ATP6V1D: variants seen among roughly 807,000 people sequenced by gnomAD.
ATP6V1D encodes V-type proton ATPase subunit D.
A neutral mutation model predicts 39.4 loss-of-function variants in ATP6V1D; 20 were observed. The ratio of observed to expected loss-of-function variants is 0.51; its 90% confidence interval spans 0.36 to 0.74. The LOEUF (loss-of-function observed/expected upper bound fraction) is 0.74. ATP6V1D is among the 30% of genes least tolerant of loss of function. The pLI, the probability that ATP6V1D is intolerant of heterozygous loss-of-function variation, is 0.00. For synonymous variants in ATP6V1D, 100 were observed against 100.5 expected (o/e 0.99, Z 0.03); for missense variants, 228 against 291.6 (o/e 0.78, Z 1.59).
intron 5 of ATP6V1D, 60 bp from the exon 6 acceptor site, chr14:67,345,931 C>T: frequency 9.5e-7 from 1 of 1,047,714 alleles, no homozygotes. Context: ...CTATAAAATT[C>T]CCCAAAAGGA....
rs1595635075 is a variant in ATP6V1D, at chr14:67,345,743, G to A, written c.456+25C>T. 9 of 1,517,228 alleles carry A rather than the reference G, an allele frequency of 5.9e-6. No homozygotes were observed. The East Asian group carries it at 2.0e-4, about 34-fold the overall frequency. The allele number at this position is 1,517,228 out of a possible 1,614,324, so 94.0% of individuals were successfully genotyped here. A position where few individuals can be genotyped will look rare whatever the true frequency, so the allele number is the denominator to read the frequency against. ...GACTGTTACAAATCAAACTACAGGA[G>A]TTCTCCAGGTCTTTTGCTACTTACC... On this transcript the variant is annotated intron_variant, in intron 6 of 8. Coordinates refer to ENST00000216442, the MANE Select transcript of ATP6V1D (RefSeq NM_015994.4).
intron 3 of ATP6V1D, 47 bp downstream of exon 3, chr14:67,350,564 T>A (rs147482910): frequency 5.3e-6 from 8 of 1,503,224 alleles, no homozygotes; most frequent in Non-Finnish European, 7.3e-6. Context: ...ATTATGAGAC[T>A]GAAATCACTT....
At chr14:67,340,902 C>T (rs970089005) in intron 7 of ATP6V1D, among the ~76,000 whole-genome samples, 1 of 152,264 alleles carries the variant, frequency 6.6e-6, no homozygotes, top group Non-Finnish European at 1.5e-5. Context: ...TCTCCAGCTC[C>T]TAACTGCGAG....
chr14:67,353,448 C>T (rs759244218), intron 1 of ATP6V1D, among the ~76,000 whole-genome samples: 1 of 152,104 alleles, frequency 6.6e-6, no homozygotes, highest in Non-Finnish European at 1.5e-5. Flanking sequence ...GAGTTCAAGT[C>T]CAGCATGGGT....
intron 4 of ATP6V1D, 36 bp from the exon 5 acceptor site, chr14:67,347,489 C>A: frequency 6.7e-7 from 1 of 1,488,158 alleles, no homozygotes; most frequent in Non-Finnish European, 9.1e-7. Flanking sequence ...ATTCATAAAC[C>A]TTTAAGTTCT....
intron 1 of ATP6V1D, among the ~76,000 whole-genome samples, chr14:67,355,758 T>C (rs1013344791): frequency 6.6e-6 from 1 of 151,658 alleles, no homozygotes; most frequent in Non-Finnish European, 1.5e-5. Context: ...ATCAGCACTT[T>C]GGGAGGCTAA....
Position 67,340,193 on chromosome 14 carries a change from A to C in ATP6V1D, c.602+247T>G, listed in dbSNP as rs534973381. On this transcript the variant is annotated intron_variant, in intron 8 of 8. Transcript: ENST00000216442. ...TATCTTAAAACATATATTTAAAAAAAAAATCAAACCTAAACAGTTTCTCTG... is the reference window on the plus strand; with the variant it reads ...TATCTTAAAACATATATTTAAAAAACAAATCAAACCTAAACAGTTTCTCTG... 17 of 424,740 alleles carry C rather than the reference A, an allele frequency of 4.0e-5. No homozygotes were observed. The South Asian group carries it at 6.1e-4, about 15-fold the overall frequency. 26.3% of individuals were successfully genotyped at this position (424,740 alleles called of 1,614,324 possible). A position where few individuals can be genotyped will look rare whatever the true frequency, so the allele number is the denominator to read the frequency against.
At chr14:67,348,694 G>A (rs1017601190) in intron 4 of ATP6V1D, among the ~76,000 whole-genome samples, 1 of 141,154 alleles carries the variant, frequency 7.1e-6, no homozygotes, top group Non-Finnish European at 1.5e-5. Context: ...GCTAATTTTT[G>A]TATTATTAGT....
At chr14:67,346,671 G>A (rs1170528815) in intron 5 of ATP6V1D, among the ~76,000 whole-genome samples, 1 of 152,202 alleles carries the variant, frequency 6.6e-6, no homozygotes, top group Non-Finnish European at 1.5e-5. Flanking sequence ...AAAATATGCT[G>A]TCAAACTAGG....
chr14:67,338,836 T>A, intron 8 of ATP6V1D, 74 bp from the exon 9 acceptor site: 3 of 1,401,996 alleles, frequency 2.1e-6, no homozygotes, highest in Non-Finnish European at 2.9e-6. Flanking sequence ...CTTTGAGTTT[T>A]GTAACAAGGA....
Position 67,359,725 on chromosome 14 carries a change from C to T in ATP6V1D, c.-27G>A, listed in dbSNP as rs912892655. 1 of 1,613,634 alleles carries T rather than the reference C, an allele frequency of 6.2e-7. No individual in the cohort carries two copies. Among genetic ancestry groups the T allele is most frequent in the Non-Finnish European group, 8.5e-7 (1 of 1,179,952 alleles). On this transcript the variant is annotated 5_prime_UTR_variant, in exon 1 of 9. Coordinates refer to ENST00000216442, the MANE Select transcript of ATP6V1D (RefSeq NM_015994.4). Reference sequence around the variant, plus strand: ...CTGACGATAACTTTTCGGCTCGGGTCCCCGGCCGGGCAACCGAGGCTGCAA... The same window carrying T: ...CTGACGATAACTTTTCGGCTCGGGTTCCCGGCCGGGCAACCGAGGCTGCAA...
At chr14:67,343,769 C>T (rs2085602450) in intron 6 of ATP6V1D, among the ~76,000 whole-genome samples, 1 of 152,184 alleles carries the variant, frequency 6.6e-6, no homozygotes, top group African/African-American at 2.4e-5. Context: ...GCTTGGTAAT[C>T]TGTGATGGGA....
intron 3 of ATP6V1D, among the ~76,000 whole-genome samples, chr14:67,350,150 T>G (rs1043438885): frequency 6.6e-6 from 1 of 152,216 alleles, no homozygotes; most frequent in Non-Finnish European, 1.5e-5. Flanking sequence ...ACCAAAGCCA[T>G]GAAGTTCATG....
intron 4 of ATP6V1D, 49 bp from the exon 5 acceptor site, chr14:67,347,502 C>CA: frequency 4.5e-6 from 5 of 1,112,680 alleles, no homozygotes; most frequent in Non-Finnish European, 6.4e-6. Flanking sequence ...TAAGTTCTCT[C>CA]TTTTTTTTTT....
At chr14:67,350,796 G>C in intron 2 of ATP6V1D, 106 bp from the exon 3 acceptor site, 4 of 1,069,616 alleles carry the variant, frequency 3.7e-6, no homozygotes, top group Non-Finnish European at 5.4e-6. Flanking sequence ...TGCTGGCTGT[G>C]CATGTAAATA....
At chr14:67,340,708 C>G (rs2085574014) in intron 7 of ATP6V1D, among the ~76,000 whole-genome samples, 190 bp from the exon 8 acceptor site, 1 of 152,226 alleles carries the variant, frequency 6.6e-6, no homozygotes, top group South Asian at 2.1e-4. Flanking sequence ...TCCCCACGGT[C>G]TCCCTCTGAT....
At chr14:67,342,232 AC>A (rs1342544002) in intron 7 of ATP6V1D, among the ~76,000 whole-genome samples, 6 of 151,070 alleles carry the variant, frequency 4.0e-5, no homozygotes, top group African/African-American at 1.5e-4. Flanking sequence ...ATAAAAAAAA[AC>A]ACAAAGAAAA....
At chr14:67,352,464 G>C (rs1020739884) in intron 2 of ATP6V1D, among the ~76,000 whole-genome samples, 95 of 151,040 alleles carry the variant, frequency 6.3e-4, no homozygotes, top group African/African-American at 2.2e-3. Context: ...GAAATAAAAT[G>C]TCATACCATG....
intron 2 of ATP6V1D, among the ~76,000 whole-genome samples, chr14:67,350,904 A>C (rs1348235081): frequency 6.6e-6 from 1 of 152,262 alleles, no homozygotes; most frequent in African/African-American, 2.4e-5. Flanking sequence ...ATTAAAACAG[A>C]ATAAATGCAT....
Sources: allele counts gnomAD v4.1 joint callset (sites outside exome capture counted in the v4.1 genomes callset), GRCh38; gene constraint gnomAD v4.1.1; transcripts MANE v1.5; gene names NCBI Gene and HGNC (gene_info 2026-07-23, HGNC 2026-07-21).